Variants in PDS5A observed in about 807,000 individuals in gnomAD.
PDS5A encodes sister chromatid cohesion protein PDS5 homolog A.
PDS5A carries 42 observed loss-of-function variants against 167.1 expected under a neutral mutation model. The ratio of observed to expected loss-of-function variants is 0.25; its 90% CI spans 0.20 to 0.33. PDS5A has a LOEUF of 0.33. Ranked by LOEUF, PDS5A falls within the 10% of genes least tolerant of loss-of-function variation. PDS5A has a pLI of 1.00. For synonymous variants in PDS5A, 553 were observed against 554.6 expected (o/e 1.00, Z 0.04); for missense variants, 1,033 against 1,605.9 (o/e 0.64, Z 6.10).
At chr4:39,855,637 A>G (rs1350518168) in intron 26 of PDS5A, among the ~76,000 whole-genome samples, 2 of 152,210 alleles carry the variant, frequency 1.3e-5, no homozygotes, top group Non-Finnish European at 2.9e-5. Flanking sequence ...ATAAAGAGAC[A>G]GAAATAATTA....
intron 2 of PDS5A, chr4:39,973,608 G>A (rs1309089651): frequency 1.1e-5 from 14 of 1,284,092 alleles, no homozygotes; most frequent in South Asian, 3.6e-5. Context: ...TCTCCTTCCC[G>A]GAAGAAGCCA....
At chr4:39,913,823 T>C (rs1182102222) in intron 8 of PDS5A, 97 bp from the exon 9 acceptor site, 3 of 726,780 alleles carry the variant, frequency 4.1e-6, no homozygotes, top group African/African-American at 3.5e-5. Context: ...TTCATATTTC[T>C]GCTTATAACT....
intron 14 of PDS5A, among the ~76,000 whole-genome samples, chr4:39,899,958 C>CT (rs2109648689): frequency 6.7e-6 from 1 of 148,760 alleles, no homozygotes; most frequent in Admixed American, 6.8e-5. Flanking sequence ...AACACCTATT[C>CT]TAGTGAACAC....
At chr4:39,886,581 C>T (rs1464669539) in intron 17 of PDS5A, among the ~76,000 whole-genome samples, 6 of 151,752 alleles carry the variant, frequency 4.0e-5, no homozygotes, top group East Asian at 1.9e-4. Flanking sequence ...GGTGCAGTGG[C>T]GCATAACTGT....
At chr4:39,922,848 C>T in intron 5 of PDS5A, 100 bp from the exon 6 acceptor site, 1 of 1,278,814 alleles carries the variant, frequency 7.8e-7, no homozygotes, top group Non-Finnish European at 1.0e-6. Flanking sequence ...AAACAACAAT[C>T]TCACATGTAA....
intron 2 of PDS5A, among the ~76,000 whole-genome samples, chr4:39,938,008 C>T (rs1330090677): frequency 6.6e-6 from 1 of 152,196 alleles, no homozygotes; most frequent in Non-Finnish European, 1.5e-5. Context: ...ACTCTCCTAC[C>T]AATCACACAG....
intron 13 of PDS5A, among the ~76,000 whole-genome samples, chr4:39,901,862 G>A (rs1255435960): frequency 6.6e-6 from 1 of 152,068 alleles, no homozygotes; most frequent in Admixed American, 6.6e-5. Flanking sequence ...CTATTAAAGT[G>A]AAATGACCAC....
rs367971826 is a variant in PDS5A at position 39,899,831 on chromosome 4, C to G, written c.1581+595G>C. Among the ~76,000 whole-genome samples, 138 of 117,088 alleles carry G rather than the reference C, an allele frequency of 1.2e-3. 3 individuals carry two copies. In the South Asian group the frequency reaches 0.034, roughly 29 times the overall value. 76.8% of individuals were successfully genotyped at this position (117,088 alleles called of 152,430 possible). A position where few individuals can be genotyped will look rare whatever the true frequency, so the allele number is the denominator to read the frequency against. ...TGCCACTATGCGACAGCCTGGGCAA[C>G]AGAGTAAGATCCTGTGTATTAAAAA... On this transcript the variant is annotated intron_variant, in intron 14 of 32. Transcript: ENST00000303538.
intron 28 of PDS5A, chr4:39,847,373 G>A (rs1717701286): frequency 1.3e-5 from 2 of 152,134 alleles, no homozygotes; most frequent in African/African-American, 4.8e-5. Context: ...TGGGATGCTG[G>A]AGGTGGGTTG....
In PDS5A at chr4:39,825,497, T is replaced by A. The variant is rs1560403559; in HGVS notation, c.4011-9A>T. 6.3e-7 allele frequency: 1 copy of A among 1,575,416 alleles called. No homozygotes were observed. The highest frequency in any genetic ancestry group is 8.6e-7 in the Non-Finnish European group (1 of 1,156,266). On this transcript the variant is annotated splice_polypyrimidine_tract_variant and intron_variant, in intron 32 of 32. Coordinates refer to ENST00000303538, the MANE Select transcript of PDS5A (RefSeq NM_001100399.2). The stretch of plus-strand genomic sequence containing the variant: ...TGCAAATGCATTTTTACCTTAGGGT[T>A]AAGAATAGAACGCAAAGTTAGAAAA...
chr4:39,829,950 CAAAAAAAAAAAAAAAAAAAAAAA>C (rs1158287221), intron 32 of PDS5A, among the ~76,000 whole-genome samples: 3 of 67,296 alleles, frequency 4.5e-5, no homozygotes, highest in African/African-American at 1.7e-4. Flanking sequence ...GACTCCAACT[CAAAAAAAAAAAAAAAAAAAAAAA>C]AAAAAAAAAA....
rs1715164386 is a variant in PDS5A, at chr4:39,824,999, T to C, written c.*486A>G. 1 of 152,890 alleles carries C rather than the reference T, an allele frequency of 6.5e-6. No individual in the cohort carries two copies. The highest frequency in any genetic ancestry group is 2.4e-5 in the African/African-American group (1 of 41,474). The allele number at this position is 152,890 out of a possible 1,614,324, so 9.5% of individuals were successfully genotyped here. ...AAACAAAGAAATATTTAATCTGATC[T>C]CTTTTCTTTTAAAAAATTAATTCAG... On this transcript the variant is annotated 3_prime_UTR_variant, in exon 33 of 33. Coordinates refer to ENST00000303538, the MANE Select transcript of PDS5A (RefSeq NM_001100399.2).
intron 18 of PDS5A, 76 bp from the exon 19 acceptor site, chr4:39,877,229 G>GA (rs376593749): frequency 4.9e-3 from 4,009 of 823,036 alleles, no homozygotes; most frequent in South Asian, 6.8e-3. Context: ...TCCCGCAAAA[G>GA]AAAAAAAAAA....
At chr4:39,861,102 A>C (rs997971041) in intron 26 of PDS5A, among the ~76,000 whole-genome samples, 10 of 151,702 alleles carry the variant, frequency 6.6e-5, no homozygotes, top group Non-Finnish European at 1.2e-4. Context: ...TGAAGATCTT[A>C]TACAGGCAGA....
At chr4:39,923,107 T>A (rs1578750250) in intron 5 of PDS5A, among the ~76,000 whole-genome samples, 1 of 151,934 alleles carries the variant, frequency 6.6e-6, no homozygotes, top group African/African-American at 2.4e-5. Flanking sequence ...GGCAGGTGGA[T>A]CACCTGACAT....
At chr4:39,883,340 CT>C (rs1721126044) in intron 17 of PDS5A, among the ~76,000 whole-genome samples, 1 of 152,024 alleles carries the variant, frequency 6.6e-6, no homozygotes, top group Non-Finnish European at 1.5e-5. Context: ...ACCACCACAC[CT>C]GGCTAATTTT....
intron 32 of PDS5A, among the ~76,000 whole-genome samples, chr4:39,835,419 T>C (rs183584642): frequency 6.1e-4 from 93 of 152,318 alleles, no homozygotes; most frequent in African/African-American, 2.1e-3. Context: ...TTGGGGCACA[T>C]AGTGCAGCTA....
chr4:39,881,653 T>TA (rs1233973298), intron 17 of PDS5A, among the ~76,000 whole-genome samples: 1 of 152,182 alleles, frequency 6.6e-6, no homozygotes, highest in Non-Finnish European at 1.5e-5. Context: ...ATCCCATCAC[T>TA]ATCCTAAGTC....
intron 2 of PDS5A, among the ~76,000 whole-genome samples, chr4:39,945,285 C>T (rs1727642125): frequency 6.6e-6 from 1 of 151,264 alleles, no homozygotes. Context: ...ATGGTGAAAC[C>T]CCCGTCTCTA....
Sources: allele counts gnomAD v4.1 joint callset (sites outside exome capture counted in the v4.1 genomes callset), GRCh38; gene constraint gnomAD v4.1.1; transcripts MANE v1.5; gene names NCBI Gene and HGNC (gene_info 2026-07-23, HGNC 2026-07-21).